Variants in DCDC1 observed in about 807,000 individuals in gnomAD.
DCDC1 encodes the protein doublecortin domain containing 1.
Under a neutral mutation model 178.3 loss-of-function variants are expected in DCDC1, and 200 were observed. That is an observed-to-expected ratio of 1.12 (90% CI 1.00 to 1.26). The LOEUF (loss-of-function observed/expected upper bound fraction) is 1.26, where lower values mean the gene tolerates loss of function less well. Among genes scored for constraint, DCDC1 ranks in the 50% most tolerant of loss-of-function variants. The probability of loss-of-function intolerance (pLI) is 0.00; values close to 1 mark genes in which losing one functional copy is unlikely to be tolerated. For missense variants in DCDC1, 1,983 were observed against 1,749.2 expected (o/e 1.13, Z -2.38); for synonymous variants, 690 against 604.8 (o/e 1.14, Z -2.07).
In DCDC1 at chr11:30,915,655, C is replaced by T; in HGVS notation, c.3509G>A (p.Arg1170Lys). The T allele has an allele frequency of 6.2e-7, 1 of 1,613,948 alleles. No homozygotes were observed. The highest frequency in any genetic ancestry group is 8.5e-7 in the Non-Finnish European group (1 of 1,179,876). Residue 1170 changes from arginine to lysine, a missense_variant, in exon 27 of 39, where the codon AGA becomes AAA. Arg to Lys is a conservative substitution (Grantham distance 26). Coordinates refer to ENST00000684477, the MANE Select transcript of DCDC1 (RefSeq NM_001387274.1). ...AGCATGGCTTATAATCTGCCCATCTCTGTATTCGAACTGCTGATGACAATG... is the reference window on the plus strand; with the variant it reads ...AGCATGGCTTATAATCTGCCCATCTTTGTATTCGAACTGCTGATGACAATG... ...HKHCHQQFEY[R>K]DGQIISHAAP...
At chr11:30,896,005 G>A (rs2134075372) in intron 34 of DCDC1, among the ~76,000 whole-genome samples, 2 of 152,112 alleles carry the variant, frequency 1.3e-5, no homozygotes, top group Middle Eastern at 6.8e-3. Context: ...ATAGAAAACA[G>A]GAAAAAACAT....
chr11:31,147,519 A>G (rs1409007804), intron 9 of DCDC1, among the ~76,000 whole-genome samples: 1 of 152,216 alleles, frequency 6.6e-6, no homozygotes, highest in South Asian at 2.1e-4. Context: ...AGAAAAGCAC[A>G]CTGATAATTT....
intron 28 of DCDC1, among the ~76,000 whole-genome samples, chr11:30,909,701 A>C (rs1945312809): frequency 6.6e-6 from 1 of 152,148 alleles, no homozygotes; most frequent in Admixed American, 6.5e-5. Flanking sequence ...TATTTCCAAA[A>C]CATGAATATA....
In DCDC1 at chr11:30,899,139, A is replaced by AC. The variant is rs1267861135; in HGVS notation, c.4765+401dup. ...TAAAAAAACAAAACAAAACAAAAAA[A>AC]CAAAAAAAAAAACTTCTTCCCCAGC... On this transcript the variant is annotated intron_variant, in intron 34 of 38. Coordinates refer to ENST00000684477, the MANE Select transcript of DCDC1 (RefSeq NM_001387274.1). Among the ~76,000 whole-genome samples the AC allele has an allele frequency of 4.6e-5, 7 of 151,974 alleles. No individual in the cohort carries two copies. The South Asian group carries it at 1.5e-3, about 32-fold the overall frequency.
At chr11:30,917,715 T>A (rs1323471878) in intron 25 of DCDC1, among the ~76,000 whole-genome samples, 1 of 152,202 alleles carries the variant, frequency 6.6e-6, no homozygotes, top group Non-Finnish European at 1.5e-5. Context: ...TTCAGTGGGA[T>A]TGTGATATGA....
At chr11:31,206,423 T>C (rs1369473093) in intron 9 of DCDC1, among the ~76,000 whole-genome samples, 2 of 152,174 alleles carry the variant, frequency 1.3e-5, no homozygotes, top group African/African-American at 4.8e-5. Context: ...GTTTGTTTGT[T>C]TGCTTTTTGA....
chr11:31,265,290 C>T (rs929685076), intron 8 of DCDC1, among the ~76,000 whole-genome samples: 1 of 151,378 alleles, frequency 6.6e-6, no homozygotes, highest in Non-Finnish European at 1.5e-5. Flanking sequence ...GTTAAAATAC[C>T]CATCAATTTT....
At chr11:30,908,875 T>G in intron 29 of DCDC1, 71 bp downstream of exon 29, 1 of 1,400,394 alleles carries the variant, frequency 7.1e-7, no homozygotes, top group South Asian at 1.7e-5. Context: ...GGAAAAAAAT[T>G]TTCTCATTTT....
chr11:31,158,372 C>A (rs1206171417), intron 9 of DCDC1, among the ~76,000 whole-genome samples: 1 of 152,106 alleles, frequency 6.6e-6, no homozygotes, highest in Non-Finnish European at 1.5e-5. Flanking sequence ...CCGCCTCGGC[C>A]TCCCAAAGTG....
In DCDC1 at chr11:31,340,813, C is replaced by A. The variant is rs146204684; in HGVS notation, c.-124-5249G>T. On this transcript the variant is annotated intron_variant, in intron 1 of 38. Coordinates refer to ENST00000684477, the MANE Select transcript of DCDC1 (RefSeq NM_001387274.1). ...TGGACTCACATAGCCTCTGCACTCA[C>A]GGGAGCCAATTCTTAAAAATCAATT... Among the ~76,000 whole-genome samples, 169 of 152,240 alleles carry A rather than the reference C, an allele frequency of 1.1e-3. 1 individual carries two copies. The highest frequency in any genetic ancestry group is 3.9e-3 in the African/African-American group (162 of 41,536).
chr11:30,957,862 G>T (rs1948859926), intron 20 of DCDC1, among the ~76,000 whole-genome samples: 1 of 152,136 alleles, frequency 6.6e-6, no homozygotes, highest in Non-Finnish European at 1.5e-5. Context: ...GCAAATCCAG[G>T]TTTTTGCACT....
chr11:31,138,743 C>A (rs1963463093), intron 9 of DCDC1, among the ~76,000 whole-genome samples: 1 of 152,074 alleles, frequency 6.6e-6, no homozygotes, highest in African/African-American at 2.4e-5. Flanking sequence ...AATCTTTAAT[C>A]CAAACCCTAC....
At chr11:31,274,613 G>A (rs1945838939) in intron 7 of DCDC1, among the ~76,000 whole-genome samples, 2 of 150,604 alleles carry the variant, frequency 1.3e-5, no homozygotes, top group Admixed American at 6.6e-5. Flanking sequence ...TATGAAAGGG[G>A]AGAGTAGCCT....
At chr11:31,008,025 C>T (rs1359774726) in intron 20 of DCDC1, among the ~76,000 whole-genome samples, 2 of 152,066 alleles carry the variant, frequency 1.3e-5, no homozygotes, top group East Asian at 1.9e-4. Flanking sequence ...CAGAGAAAAC[C>T]GGAAGTGCAG....
At chr11:30,981,261 G>A (rs1038984947) in intron 20 of DCDC1, among the ~76,000 whole-genome samples, 2 of 151,842 alleles carry the variant, frequency 1.3e-5, no homozygotes, top group African/African-American at 4.8e-5. Context: ...TTGAGTGATG[G>A]GCACACTAGA....
chr11:31,325,844 T>C (rs1482691023), intron 3 of DCDC1, among the ~76,000 whole-genome samples: 1 of 152,008 alleles, frequency 6.6e-6, no homozygotes, highest in African/African-American at 2.4e-5. Context: ...GACCACAAGA[T>C]GGTAGAAGAA....
intron 20 of DCDC1, among the ~76,000 whole-genome samples, chr11:31,000,508 T>C (rs1951511416): frequency 6.6e-6 from 1 of 152,118 alleles, no homozygotes; most frequent in African/African-American, 2.4e-5. Context: ...ATAAAATGTG[T>C]CAGGGAGCTA....
At chr11:30,943,443 T>C in intron 21 of DCDC1, 3 of 304,182 alleles carry the variant, frequency 9.9e-6, no homozygotes, top group Non-Finnish European at 2.0e-5. Flanking sequence ...CTGTCTGGCA[T>C]GGCCCGTCCA....
intron 9 of DCDC1, among the ~76,000 whole-genome samples, chr11:31,213,247 T>G (rs1266057385): frequency 6.6e-6 from 1 of 151,008 alleles, no homozygotes; most frequent in Non-Finnish European, 1.5e-5. Context: ...TGGTTGGATA[T>G]TTTCTATTCA....
Sources: allele counts gnomAD v4.1 joint callset (sites outside exome capture counted in the v4.1 genomes callset), GRCh38; gene constraint gnomAD v4.1.1; transcripts MANE v1.5; gene names NCBI Gene and HGNC (gene_info 2026-07-23, HGNC 2026-07-21).